Variants in CCNL1 observed in about 807,000 individuals in gnomAD.
CCNL1 encodes cyclin-L1.
CCNL1 carries 13 observed loss-of-function variants against 60.6 expected under a neutral mutation model. The ratio of observed to expected loss-of-function variants is 0.21; its 90% CI spans 0.14 to 0.34. The LOEUF is 0.34. CCNL1 is among the 10% of genes least tolerant of loss of function. The pLI is 1.00. For synonymous variants in CCNL1, 270 were observed against 244.3 expected, an observed-to-expected ratio of 1.10 and a Z score of -0.98; for missense variants, 481 against 664.3, an observed-to-expected ratio of 0.72 and a Z score of 3.03.
At chr3:157,150,685 A>G (rs1393515024) in intron 5 of CCNL1, 12 of 1,071,170 alleles carry the variant, frequency 1.1e-5, no homozygotes, top group Non-Finnish European at 1.4e-5. Flanking sequence ...AATGCTTTTC[A>G]AAGTCAATTC....
chr3:157,147,128 C>A (rs1464386860), downstream of CCNL1, among the ~76,000 whole-genome samples: 3 of 152,058 alleles, frequency 2.0e-5, no homozygotes, highest in Admixed American at 2.0e-4. Context: ...CTTGAAACAG[C>A]AACAAATCAC....
rs1290011077 is a variant in CCNL1 at position 157,153,145 on chromosome 3, G to A, written c.500C>T (p.Pro167Leu). 5.6e-6 allele frequency: 9 copies of A among 1,611,864 alleles called. No homozygotes were observed. The highest frequency in any genetic ancestry group is 7.6e-6 in the Non-Finnish European group (9 of 1,179,190). ...RQLRGKRTPS[P>L]LILDQNYINT... ...AATGTAGTTCTGATCAAGGATCAGG[G>A]GGCTTGGAGTCCTATAGTTTGTAAG... The change falls in exon 4 of 11, where the codon CCC becomes CTC. Residue 167 changes from proline (P) to leucine (L), a missense_variant. By Grantham distance (98) the Pro-to-Leu change is moderately conservative. This residue lies in a region of CCNL1 where 130 missense variants were observed against 174.5 expected (regional missense o/e 0.75). Transcript: ENST00000295926.
chr3:157,153,983 A>G (rs1391083738), intron 3 of CCNL1: 1 of 152,200 alleles, frequency 6.6e-6, no homozygotes, highest in Admixed American at 6.5e-5. Flanking sequence ...ATGCTTTACT[A>G]TTAACACAGA....
At chr3:157,143,621 C>T (rs1737704911), downstream of CCNL1, among the ~76,000 whole-genome samples, 1 of 152,118 alleles carries the variant, frequency 6.6e-6, no homozygotes, top group Non-Finnish European at 1.5e-5. Flanking sequence ...AAGTAAATTT[C>T]AGTTAGTGGT....
intron 4 of CCNL1, chr3:157,152,640 A>G (rs1738279620): frequency 3.7e-6 from 4 of 1,070,492 alleles, no homozygotes; most frequent in South Asian, 2.9e-5. Flanking sequence ...CAAATTTCCA[A>G]TAATGGTAAC....
At chr3:157,157,659 G>T (rs1277048915) in intron 3 of CCNL1, among the ~76,000 whole-genome samples, 1 of 152,134 alleles carries the variant, frequency 6.6e-6, no homozygotes, top group Non-Finnish European at 1.5e-5. Flanking sequence ...AGATATTTTA[G>T]AATTTAAAAA....
At position 157,148,414 on chromosome 3, in the gene CCNL1, A is replaced by C; in HGVS notation, c.1408T>G (p.Ser470Ala). 1 of 1,613,888 alleles carries C rather than the reference A, an allele frequency of 6.2e-7. No homozygotes were observed. Among genetic ancestry groups the C allele is most frequent in the African/African-American group, 1.3e-5 (1 of 74,940 alleles). ...GACTTGCTCTGAGATCGAGAACGAGATTTTTTCCTTTTATGACCATGTCTG... is the reference window on the plus strand; with the variant it reads ...GACTTGCTCTGAGATCGAGAACGAGCTTTTTTCCTTTTATGACCATGTCTG... ...SNRHGHKRKK[S>A]RSRSQSKSRD... The change falls in exon 11 of 11, where the codon TCT becomes GCT. Residue 470 changes from serine (S) to alanine (A), a missense_variant. This residue lies in a region of CCNL1 where 197 missense variants were observed against 233.9 expected (regional missense o/e 0.84). Coordinates refer to ENST00000295926, the MANE Select transcript of CCNL1 (RefSeq NM_020307.4).
chr3:157,159,531 AGGC>A (rs1282627997), intron 1 of CCNL1, 52 bp from the exon 2 acceptor site: 1 of 1,516,620 alleles, frequency 6.6e-7, no homozygotes, highest in Non-Finnish European at 9.1e-7. Context: ...GGCCCGCTCC[AGGC>A]GCCGCCGCCA....
downstream of CCNL1, chr3:157,146,475 T>C (rs990626589): frequency 4.5e-6 from 2 of 445,046 alleles, no homozygotes; most frequent in African/African-American, 2.0e-5. Context: ...AGCACTCCTA[T>C]TTCCAAGCAA....
At position 157,148,019 on chromosome 3, in the gene CCNL1, C is replaced by T. The variant is rs887625783; in HGVS notation, c.*222G>A. 2 of 1,309,010 alleles carry T rather than the reference C, an allele frequency of 1.5e-6. No individual in the cohort carries two copies. The highest frequency in any genetic ancestry group is 1.9e-6 in the Non-Finnish European group (2 of 1,032,542). The allele number at this position is 1,309,010 out of a possible 1,614,324, so 81.1% of individuals were successfully genotyped here. ...ACAACTATAATAAAGTACAATTGAACCTGACCATGGTTTTTAATTAGATAC... is the reference window on the plus strand; with the variant it reads ...ACAACTATAATAAAGTACAATTGAATCTGACCATGGTTTTTAATTAGATAC... On this transcript the variant is annotated 3_prime_UTR_variant, in exon 11 of 11. Coordinates refer to ENST00000295926, the MANE Select transcript of CCNL1 (RefSeq NM_020307.4).
chr3:157,157,109 A>C, intron 3 of CCNL1: 3 of 1,289,850 alleles, frequency 2.3e-6, no homozygotes, highest in Non-Finnish European at 3.0e-6. Flanking sequence ...CAAGGGAAAA[A>C]AGAGTTGAAG....
chr3:157,159,662 G>T, intron 1 of CCNL1, 130 bp downstream of exon 1: 1 of 1,062,418 alleles, frequency 9.4e-7, no homozygotes, highest in Non-Finnish European at 1.3e-6. Context: ...CCCGGCCGCG[G>T]CTGGGCCCCG....
At position 157,159,400 on chromosome 3, in the gene CCNL1, C is replaced by G. The variant is rs1206980505; in HGVS notation, c.378+5G>C. On this transcript the variant is annotated splice_donor_5th_base_variant and intron_variant, in intron 2 of 10. Coordinates refer to ENST00000295926, the MANE Select transcript of CCNL1 (RefSeq NM_020307.4). ...ATCCCTTTTACCCGCCTCCGCTGTG[C>G]TTACCTCGAAACTGTGTTTGACGAA... 6.2e-7 allele frequency: 1 copy of G among 1,613,998 alleles called. No individual in the cohort carries two copies. Among genetic ancestry groups the G allele is most frequent in the Admixed American group, 1.7e-5 (1 of 60,020 alleles).
intron 3 of CCNL1, among the ~76,000 whole-genome samples, chr3:157,157,609 GA>G (rs1738719174): frequency 6.6e-6 from 1 of 152,148 alleles, no homozygotes; most frequent in African/African-American, 2.4e-5. Flanking sequence ...AGACCAATTT[GA>G]AATCTTCCCA....
intron 3 of CCNL1, among the ~76,000 whole-genome samples, chr3:157,155,597 G>T (rs1319716098): frequency 6.6e-6 from 1 of 152,046 alleles, no homozygotes; most frequent in Non-Finnish European, 1.5e-5. Flanking sequence ...TTCAGAATTG[G>T]TTCTACCTCA....
intron 6 of CCNL1, 41 bp from the exon 7 acceptor site, chr3:157,150,210 T>C: frequency 1.2e-6 from 2 of 1,608,368 alleles, no homozygotes; most frequent in South Asian, 2.2e-5. Flanking sequence ...AAATTTTTGC[T>C]AAATCTGTAT....
chr3:157,157,730 A>G lies in CCNL1; in HGVS notation c.488+1136T>C, dbSNP rs377179665. 4.6e-5 allele frequency among the ~76,000 whole-genome samples: 7 copies of G among 152,340 alleles called. No individual in the cohort carries two copies. The East Asian group carries it at 1.3e-3, about 29-fold the overall frequency. On this transcript the variant is annotated intron_variant, in intron 3 of 10. Transcript: ENST00000295926. ...AAAAGATGGGGGAGAAAAAGTATGT[A>G]GGAAAACTGTTGCAGACTTTTTGAC...
chr3:157,159,587 C>A, intron 1 of CCNL1, 108 bp from the exon 2 acceptor site: 1 of 1,143,088 alleles, frequency 8.7e-7, no homozygotes, highest in Non-Finnish European at 1.3e-6. Flanking sequence ...CCGCCGCCGC[C>A]GCCGCTGCGA....
chr3:157,148,816 AT>A, intron 10 of CCNL1: 1 of 520,748 alleles, frequency 1.9e-6, no homozygotes, highest in Non-Finnish European at 3.4e-6. Context: ...GTAATTAGCA[AT>A]TTTTATAGTG....
Sources: allele counts gnomAD v4.1 joint callset (sites outside exome capture counted in the v4.1 genomes callset), GRCh38; gene constraint gnomAD v4.1.1; regional missense constraint gnomAD v4.1.1; transcripts MANE v1.5; gene names NCBI Gene and HGNC (gene_info 2026-07-23, HGNC 2026-07-21).